Variants in STAM observed in about 807,000 individuals in gnomAD.
The protein encoded by STAM is signal transducing adaptor molecule, also known as signal transducing adapter molecule 1.
A neutral mutation model predicts 63.4 loss-of-function variants in STAM; 16 were observed. That is an observed-to-expected ratio of 0.25 (90% CI 0.17 to 0.38). The LOEUF is 0.38. Ranked by LOEUF, STAM falls within the 10% of genes least tolerant of loss-of-function variation. STAM has a pLI of 1.00. For synonymous variants in STAM, 238 were observed against 223.9 expected (o/e 1.06, Z -0.56); for missense variants, 636 against 657.1 (o/e 0.97, Z 0.35).
chr10:17,656,155 G>A (rs528927050), intron 1 of STAM, among the ~76,000 whole-genome samples: 157 of 152,012 alleles, frequency 1.0e-3, no homozygotes, highest in African/African-American at 3.0e-3. Context: ...TTAGCTGGAC[G>A]TTGTGGCATG....
At chr10:17,654,202 C>A (rs1216204869) in intron 1 of STAM, among the ~76,000 whole-genome samples, 1 of 150,778 alleles carries the variant, frequency 6.6e-6, no homozygotes, top group Non-Finnish European at 1.5e-5. Context: ...AACCATTAAA[C>A]CAGGTATTAT....
chr10:17,644,501 T>C (rs1833442888), intron 1 of STAM, 122 bp downstream of exon 1: 13 of 1,170,954 alleles, frequency 1.1e-5, no homozygotes, highest in Non-Finnish European at 1.6e-5. Flanking sequence ...TCCCCTTTCC[T>C]GAGGCTCCCT....
chr10:17,680,475 T>C (rs1835040962), intron 2 of STAM, among the ~76,000 whole-genome samples: 1 of 151,332 alleles, frequency 6.6e-6, no homozygotes, highest in Non-Finnish European at 1.5e-5. Context: ...CAGGCTGGAG[T>C]TCAGTGGCGC....
chr10:17,713,339 C>G (rs782088528), intron 13 of STAM, among the ~76,000 whole-genome samples: 3 of 152,156 alleles, frequency 2.0e-5, no homozygotes, highest in Non-Finnish European at 4.4e-5. Context: ...TTCCCAGATG[C>G]GTATTTCTCC....
rs1833905880 is a variant in STAM, at chr10:17,655,582, C to G, written c.41-4882C>G. 2.0e-5 allele frequency among the ~76,000 whole-genome samples: 3 copies of G among 152,110 alleles called. No homozygotes were observed. The South Asian group carries it at 6.2e-4, about 31-fold the overall frequency. On this transcript the variant is annotated intron_variant, in intron 1 of 13. Transcript: ENST00000377524. ...GTCAGAGTTGACTGCTTTTTATTTT[C>G]TGCGATTAAACTCACTTGACGTACT...
chr10:17,708,118 C>T (rs1239471086), intron 12 of STAM, among the ~76,000 whole-genome samples: 3 of 152,130 alleles, frequency 2.0e-5, no homozygotes, highest in African/African-American at 7.2e-5. Context: ...TCTCGATCTC[C>T]TGACCTCGTG....
chr10:17,670,304 T>C (rs1413796532), intron 2 of STAM, among the ~76,000 whole-genome samples: 2 of 152,246 alleles, frequency 1.3e-5, no homozygotes, highest in Admixed American at 1.3e-4. Context: ...TTCTGATGAC[T>C]GTTGTGCTTG....
At chr10:17,695,490 T>C (rs541581313) in intron 7 of STAM, among the ~76,000 whole-genome samples, 4 of 152,312 alleles carry the variant, frequency 2.6e-5, no homozygotes, top group African/African-American at 7.2e-5. Context: ...TCATTTTCGG[T>C]TCCACCTAAT....
chr10:17,716,247 G>C lies in STAM; in HGVS notation c.*1467G>C, dbSNP rs61842353. On this transcript the variant is annotated 3_prime_UTR_variant, in exon 14 of 14. Transcript: ENST00000377524. ...AATTTCATTTTTATTTTCTAAGACT[G>C]TTGTAATCAGGTAGCTTGTTTATTT... Among the ~76,000 whole-genome samples the C allele has an allele frequency of 0.019, 2,888 of 152,070 alleles. 28 individuals are homozygous for C. Among genetic ancestry groups the C allele is most frequent in the Middle Eastern group, 0.027 (8 of 294 alleles).
Position 17,705,631 on chromosome 10 carries a change from G to A in STAM, c.1099G>A (p.Ala367Thr), listed in dbSNP as rs375811987. Residue 367 changes from alanine to threonine, a missense_variant, in exon 12 of 14, where the codon GCC becomes ACC. Ala to Thr is a moderately conservative substitution (Grantham distance 58, BLOSUM62 0). Coordinates refer to ENST00000377524, the MANE Select transcript of STAM (RefSeq NM_003473.4). Reference sequence around the variant, plus strand: ...AGAACTTAATGTGAAAGTGATGGAGGCCCTTTCCTTATATACCAAGTTAAT... The same window carrying A: ...AGAACTTAATGTGAAAGTGATGGAGACCCTTTCCTTATATACCAAGTTAAT... ...LSELNVKVMEALSLYTKLMNE... is the reference protein window; with the variant it reads ...LSELNVKVMETLSLYTKLMNE... The A allele has an allele frequency of 6.2e-6, 10 of 1,613,376 alleles. No homozygotes were observed. Among genetic ancestry groups the A allele is most frequent in the Non-Finnish European group, 8.5e-6 (10 of 1,179,796 alleles).
At chr10:17,682,397 G>C (rs1387057938) in intron 2 of STAM, among the ~76,000 whole-genome samples, 1 of 152,100 alleles carries the variant, frequency 6.6e-6, no homozygotes, top group Non-Finnish European at 1.5e-5. Context: ...TTGTATCCAG[G>C]TTTTGACTCT....
intron 2 of STAM, among the ~76,000 whole-genome samples, chr10:17,673,815 G>A (rs1180951452): frequency 3.3e-5 from 5 of 152,220 alleles, no homozygotes; most frequent in Non-Finnish European, 5.9e-5. Flanking sequence ...CTCCCTAAGC[G>A]TTAACTATTA....
intron 9 of STAM, among the ~76,000 whole-genome samples, chr10:17,703,809 C>G (rs1419358867): frequency 6.6e-6 from 1 of 152,090 alleles, no homozygotes; most frequent in East Asian, 1.9e-4. Flanking sequence ...GGAATAAACC[C>G]TAAGAGTCCC....
At chr10:17,688,838 A>G (rs1835410765) in intron 5 of STAM, among the ~76,000 whole-genome samples, 1 of 152,218 alleles carries the variant, frequency 6.6e-6, no homozygotes, top group Admixed American at 6.5e-5. Context: ...TCTTAATGCT[A>G]TAATTTTCTA....
At position 17,716,065 on chromosome 10, in the gene STAM, A is replaced by G. The variant is rs539923744; in HGVS notation, c.*1285A>G. On this transcript the variant is annotated 3_prime_UTR_variant, in exon 14 of 14. Coordinates refer to ENST00000377524, the MANE Select transcript of STAM (RefSeq NM_003473.4). ...CAAATGAATGCTTTTCTTTTAATTC[A>G]TGCGAAAAATGTTTTCCACTGACAT... Among the ~76,000 whole-genome samples, 7 of 152,234 alleles carry G rather than the reference A, an allele frequency of 4.6e-5. No homozygotes were observed. Among genetic ancestry groups the G allele is most frequent in the African/African-American group, 1.7e-4 (7 of 41,566 alleles).
rs149709201 is a variant in STAM, at chr10:17,673,156, T to C, written c.126-11519T>C. Reference sequence around the variant, plus strand: ...TCTTACCATGTATTTTTACAAAATATTTTGTGTTTATTGCCACCCGTCTCT... The same window carrying C: ...TCTTACCATGTATTTTTACAAAATACTTTGTGTTTATTGCCACCCGTCTCT... On this transcript the variant is annotated intron_variant, in intron 2 of 13. Coordinates refer to ENST00000377524, the MANE Select transcript of STAM (RefSeq NM_003473.4). 17 of 526,990 alleles carry C rather than the reference T, an allele frequency of 3.2e-5. No individual in the cohort carries two copies. In the East Asian group the frequency reaches 2.5e-3, roughly 77 times the overall value. 32.6% of individuals were successfully genotyped at this position (526,990 alleles called of 1,614,324 possible).
At chr10:17,708,654 T>G (rs983789767) in intron 12 of STAM, 122 bp from the exon 13 acceptor site, 1 of 1,039,596 alleles carries the variant, frequency 9.6e-7, no homozygotes, top group Non-Finnish European at 1.3e-6. Flanking sequence ...GAAATAACTT[T>G]GAAAAAAGGA....
chr10:17,702,860 T>G (rs531077059), intron 9 of STAM, among the ~76,000 whole-genome samples: 2 of 151,970 alleles, frequency 1.3e-5, no homozygotes, highest in Non-Finnish European at 1.5e-5. Context: ...ATACAAAGAT[T>G]CGCTGGACGT....
intron 10 of STAM, 62 bp downstream of exon 10, chr10:17,704,580 G>A: frequency 2.2e-6 from 3 of 1,345,220 alleles, no homozygotes; most frequent in Non-Finnish European, 3.2e-6. Context: ...CTGGTGTCCT[G>A]TTAAAGAATG....
Sources: gnomAD v4.1 joint callset for allele counts (sites outside exome capture counted in the v4.1 genomes callset) on GRCh38, gnomAD v4.1.1 for gene constraint, MANE v1.5 for transcripts, NCBI Gene and HGNC (gene_info 2026-07-23, HGNC 2026-07-21) for gene names.